The following PDE4D variants were observed in gnomAD, a reference collection of about 807,000 sequenced individuals.
PDE4D encodes phosphodiesterase 4D.
PDE4D carries 24 observed loss-of-function variants against 87.4 expected under a neutral mutation model. The ratio of observed to expected loss-of-function variants is 0.27; its 90% CI spans 0.20 to 0.39. The LOEUF (loss-of-function observed/expected upper bound fraction) is 0.39, where lower values mean the gene tolerates loss of function less well. PDE4D is among the 10% of genes least tolerant of loss of function. The probability of loss-of-function intolerance (pLI) is 1.00; values close to 1 mark genes in which losing one functional copy is unlikely to be tolerated. For missense variants in PDE4D, 714 were observed against 1,041.0 expected (o/e 0.69, Z 4.32); for synonymous variants, 384 against 383.2 (o/e 1.00, Z -0.02).
At chr5:60,011,660 A>C (rs1278631949) in intron 2 of PDE4D, among the ~76,000 whole-genome samples, 1 of 152,150 alleles carries the variant, frequency 6.6e-6, no homozygotes, top group Non-Finnish European at 1.5e-5. Flanking sequence ...ATGGCAGTTT[A>C]GTATTTGTAG....
intron 2 of PDE4D, among the ~76,000 whole-genome samples, chr5:60,129,634 A>C (rs34849712): frequency 6.6e-6 from 1 of 151,984 alleles, no homozygotes; most frequent in Non-Finnish European, 1.5e-5. Flanking sequence ...AACAACAAAA[A>C]ATTTCAAAAT....
intron 1 of PDE4D, among the ~76,000 whole-genome samples, chr5:60,331,085 T>A (rs1481451136): frequency 6.6e-6 from 1 of 152,202 alleles, no homozygotes; most frequent in Non-Finnish European, 1.5e-5. Context: ...TGTCACCAAG[T>A]GCAAGGACCA....
At chr5:59,363,654 G>C (rs1441654752) in intron 1 of PDE4D, among the ~76,000 whole-genome samples, 1 of 152,154 alleles carries the variant, frequency 6.6e-6, no homozygotes, top group Non-Finnish European at 1.5e-5. Flanking sequence ...AGAAATCTGA[G>C]ACTCATAGAG....
chr5:59,635,245 A>G (rs752354249), intron 1 of PDE4D, among the ~76,000 whole-genome samples: 7 of 152,218 alleles, frequency 4.6e-5, no homozygotes, highest in Non-Finnish European at 1.0e-4. Flanking sequence ...GGCAGTAATT[A>G]ATAACTTACC....
intron 1 of PDE4D, among the ~76,000 whole-genome samples, chr5:59,670,668 G>C (rs1747044308): frequency 6.6e-6 from 1 of 151,988 alleles, no homozygotes; most frequent in South Asian, 2.1e-4. Flanking sequence ...TACAATAAGA[G>C]ATATTCAACC....
At chr5:59,917,855 T>C (rs1754241480) in intron 3 of PDE4D, among the ~76,000 whole-genome samples, 1 of 152,124 alleles carries the variant, frequency 6.6e-6, no homozygotes, top group Non-Finnish European at 1.5e-5. Flanking sequence ...GATTTTGTTA[T>C]ATAAAAATAG....
rs541273164 is a variant in PDE4D at position 60,389,862 on chromosome 5, G to A, written c.-90+98080C>T. Among the ~76,000 whole-genome samples the A allele has an allele frequency of 5.9e-5, 9 of 152,232 alleles. No homozygotes were observed. The East Asian group carries it at 7.7e-4, about 13-fold the overall frequency. The stretch of plus-strand genomic sequence containing the variant: ...TCAAGCAGTCACAAGAGGATACAAG[G>A]GGAAGAGACATAGACCCCATTTCTT... On this transcript the variant is annotated intron_variant, in intron 1 of 16. Transcript: ENST00000502484.
chr5:59,886,848 T>C (rs1411529635), intron 1 of PDE4D, among the ~76,000 whole-genome samples: 1 of 151,958 alleles, frequency 6.6e-6, no homozygotes, highest in East Asian at 1.9e-4. Flanking sequence ...CTAAGAAATT[T>C]AGACTTTATC....
chr5:60,067,270 G>T (rs904343085), intron 2 of PDE4D, among the ~76,000 whole-genome samples: 2 of 152,066 alleles, frequency 1.3e-5, no homozygotes, highest in Non-Finnish European at 2.9e-5. Flanking sequence ...TGGTAGATGA[G>T]AACAGTAGGA....
intron 5 of PDE4D, among the ~76,000 whole-genome samples, chr5:59,061,378 T>A (rs1763084925): frequency 6.6e-6 from 1 of 152,136 alleles, no homozygotes; most frequent in East Asian, 1.9e-4. Context: ...GGACCATGAC[T>A]ATCTTATTTA....
chr5:59,427,900 A>G (rs58029432), intron 1 of PDE4D, among the ~76,000 whole-genome samples: 1,854 of 152,192 alleles, frequency 0.012, 38 homozygotes, highest in East Asian at 0.084. Context: ...TATATTTCTT[A>G]CAAAAGAAAA....
At chr5:59,850,109 A>C (rs1013397634) in intron 1 of PDE4D, among the ~76,000 whole-genome samples, 3 of 152,040 alleles carry the variant, frequency 2.0e-5, no homozygotes, top group Non-Finnish European at 2.9e-5. Context: ...TCCCAGGAGA[A>C]ATAAATCAAA....
At chr5:59,898,010 T>C (rs1751846025), upstream of PDE4D, among the ~76,000 whole-genome samples, 1 of 152,226 alleles carries the variant, frequency 6.6e-6, no homozygotes, top group East Asian at 1.9e-4. Flanking sequence ...GTACAAGTAC[T>C]AGTATTAAAG....
intron 6 of PDE4D, among the ~76,000 whole-genome samples, chr5:59,038,614 G>A (rs1310630615): frequency 6.6e-6 from 1 of 152,160 alleles, no homozygotes; most frequent in African/African-American, 2.4e-5. Flanking sequence ...TGTTACTTAG[G>A]AACCCTGTGT....
At chr5:59,334,496 G>A (rs1777325135) in intron 1 of PDE4D, among the ~76,000 whole-genome samples, 1 of 151,972 alleles carries the variant, frequency 6.6e-6, no homozygotes, top group Non-Finnish European at 1.5e-5. Flanking sequence ...GACCTCAGGT[G>A]ATCTGCCCGC....
At chr5:59,583,064 G>C (rs921259367) in intron 1 of PDE4D, among the ~76,000 whole-genome samples, 3 of 151,998 alleles carry the variant, frequency 2.0e-5, no homozygotes, top group Non-Finnish European at 4.4e-5. Flanking sequence ...AGGATGCAAA[G>C]GTATTTAAAT....
chr5:60,350,261 G>C (rs910460669), intron 1 of PDE4D, among the ~76,000 whole-genome samples: 1 of 152,174 alleles, frequency 6.6e-6, no homozygotes, highest in Non-Finnish European at 1.5e-5. Context: ...GCTGCTCCTA[G>C]GTGCACTTCC....
intron 1 of PDE4D, among the ~76,000 whole-genome samples, chr5:60,327,811 G>T (rs1756936956): frequency 6.6e-6 from 1 of 152,138 alleles, no homozygotes; most frequent in African/African-American, 2.4e-5. Context: ...TACTGTTACA[G>T]GCAACAATAT....
chr5:59,401,998 T>C (rs1790731337), intron 1 of PDE4D, among the ~76,000 whole-genome samples: 1 of 152,162 alleles, frequency 6.6e-6, no homozygotes, highest in South Asian at 2.1e-4. Context: ...GTCAAAAAGA[T>C]TTTCTGGATG....
Sources: allele counts gnomAD v4.1 joint callset (sites outside exome capture counted in the v4.1 genomes callset), GRCh38; gene constraint gnomAD v4.1.1; transcripts MANE v1.5; gene names NCBI Gene and HGNC (gene_info 2026-07-23, HGNC 2026-07-21).